The following AOAH variants were observed in gnomAD, a reference collection of about 807,000 sequenced individuals.
The protein encoded by AOAH is acyloxyacyl hydrolase (neutrophil).
A neutral mutation model predicts 92.2 loss-of-function variants in AOAH; 64 were observed. The ratio of observed to expected loss-of-function variants is 0.69; its 90% confidence interval spans 0.57 to 0.86. AOAH has a LOEUF of 0.86. Ranked by LOEUF, AOAH falls within the 40% of genes least tolerant of loss-of-function variation. The pLI is 0.00. For synonymous variants in AOAH, 263 were observed against 254.5 expected (o/e 1.03, Z -0.32); for missense variants, 656 against 694.6 (o/e 0.94, Z 0.62).
At chr7:36,670,804 G>T (rs925946544) in intron 3 of AOAH, among the ~76,000 whole-genome samples, 1 of 152,144 alleles carries the variant, frequency 6.6e-6, no homozygotes, top group African/African-American at 2.4e-5. Context: ...CCATACCTAT[G>T]CCCGCTTGTC....
At chr7:36,692,341 A>G (rs1347985505) in intron 1 of AOAH, among the ~76,000 whole-genome samples, 2 of 152,236 alleles carry the variant, frequency 1.3e-5, no homozygotes, top group Non-Finnish European at 2.9e-5. Context: ...TTGCATTATC[A>G]ACAACATTTT....
intron 15 of AOAH, among the ~76,000 whole-genome samples, chr7:36,543,005 C>T (rs1785519040): frequency 6.6e-6 from 1 of 151,378 alleles, no homozygotes; most frequent in Admixed American, 6.6e-5. Flanking sequence ...TGGGGGTAGC[C>T]AGTAGGGTGG....
chr7:36,515,393 C>A (rs1187471660), intron 20 of AOAH, among the ~76,000 whole-genome samples: 1 of 129,646 alleles, frequency 7.7e-6, no homozygotes, highest in African/African-American at 2.9e-5. Context: ...CCTCACAACC[C>A]CACACCACAC....
chr7:36,533,685 GT>G (rs1170944356), intron 16 of AOAH, among the ~76,000 whole-genome samples: 1 of 150,934 alleles, frequency 6.6e-6, no homozygotes, highest in Admixed American at 6.6e-5. Flanking sequence ...GTGCGTGTGT[GT>G]GTGTGTGTGT....
Position 36,614,032 on chromosome 7 carries a change from G to A in AOAH, c.846+2348C>T, listed in dbSNP as rs982661612. Reference sequence around the variant, plus strand: ...AATTTATTTAATCTAGGAAGAGGAGGTCAAGGAAAAAATGATAATTTCTGC... The same window carrying A: ...AATTTATTTAATCTAGGAAGAGGAGATCAAGGAAAAAATGATAATTTCTGC... On this transcript the variant is annotated intron_variant, in intron 11 of 20. Transcript: ENST00000617537. This position sits in a 1 kb window ranked among gnomAD's most constrained non-coding sequence, Gnocchi z 4.2. Among the ~76,000 whole-genome samples, 1 of 152,158 alleles carries A rather than the reference G, an allele frequency of 6.6e-6. No individual in the cohort carries two copies. The highest frequency in any genetic ancestry group is 2.4e-5 in the African/African-American group (1 of 41,434).
In AOAH at chr7:36,673,355, T is replaced by C. The variant is rs147911583; in HGVS notation, c.290+588A>G. Reference sequence around the variant, plus strand: ...GAGTTTGAGACTATCCTGGCCAACATGGTGAAACCCCATCTCTACTAAGAA... The same window carrying C: ...GAGTTTGAGACTATCCTGGCCAACACGGTGAAACCCCATCTCTACTAAGAA... On this transcript the variant is annotated intron_variant, in intron 3 of 20. Coordinates refer to ENST00000617537, the MANE Select transcript of AOAH (RefSeq NM_001637.4). Among the ~76,000 whole-genome samples the C allele has an allele frequency of 4.6e-4, 70 of 152,140 alleles. 1 individual carries two copies. In the East Asian group the frequency reaches 0.013, roughly 29 times the overall value.
chr7:36,601,471 G>A (rs1228340007), intron 11 of AOAH, among the ~76,000 whole-genome samples: 1 of 152,082 alleles, frequency 6.6e-6, no homozygotes, highest in East Asian at 1.9e-4. Flanking sequence ...CTTCTTCATG[G>A]GACTCACCGT....
intron 4 of AOAH, among the ~76,000 whole-genome samples, chr7:36,648,767 T>C (rs903477548): frequency 2.6e-5 from 4 of 152,202 alleles, no homozygotes; most frequent in African/African-American, 9.6e-5. Context: ...ATCCAGTGTT[T>C]TACCACTGAT....
At chr7:36,663,333 A>T (rs892277882) in intron 3 of AOAH, among the ~76,000 whole-genome samples, 1 of 152,208 alleles carries the variant, frequency 6.6e-6, no homozygotes, top group Admixed American at 6.5e-5. Flanking sequence ...CAAAGTGTTT[A>T]GTTCACCTTA....
At chr7:36,661,649 C>CCT (rs1367843600) in intron 3 of AOAH, among the ~76,000 whole-genome samples, 13 of 152,202 alleles carry the variant, frequency 8.5e-5, no homozygotes, top group African/African-American at 3.1e-4. Flanking sequence ...TCCTCCACCT[C>CCT]CTCCTCTTTC....
At chr7:36,664,495 C>A (rs1320608383) in intron 3 of AOAH, among the ~76,000 whole-genome samples, 1 of 152,130 alleles carries the variant, frequency 6.6e-6, no homozygotes, top group East Asian at 1.9e-4. Flanking sequence ...TTCACCAATA[C>A]CCTGCTGTCT....
intron 11 of AOAH, among the ~76,000 whole-genome samples, chr7:36,609,951 T>TG (rs1356514212): frequency 6.6e-6 from 1 of 151,994 alleles, no homozygotes; most frequent in Non-Finnish European, 1.5e-5. Flanking sequence ...TGTTTACACT[T>TG]GCCACAAGCA....
intron 12 of AOAH, among the ~76,000 whole-genome samples, chr7:36,579,769 C>T (rs1165022599): frequency 1.3e-5 from 2 of 152,104 alleles, no homozygotes; most frequent in African/African-American, 2.4e-5. Flanking sequence ...TAGATTGTGC[C>T]CACCCAGATT....
chr7:36,625,865 T>G (rs1418643903), intron 6 of AOAH, among the ~76,000 whole-genome samples: 2 of 152,232 alleles, frequency 1.3e-5, no homozygotes, highest in Non-Finnish European at 1.5e-5. Context: ...GGATCCTTCC[T>G]GCTCTGATGC....
chr7:36,517,931 CCACACACA>C, intron 20 of AOAH, among the ~76,000 whole-genome samples: 1 of 87,858 alleles, frequency 1.1e-5, no homozygotes, highest in African/African-American at 4.3e-5. Flanking sequence ...ACACACACAC[CCACACACA>C]CACACCCACA....
intron 4 of AOAH, among the ~76,000 whole-genome samples, chr7:36,639,865 G>T (rs189772118): frequency 6.6e-6 from 1 of 152,328 alleles, no homozygotes; most frequent in Admixed American, 6.5e-5. Flanking sequence ...AGCAAGTACA[G>T]TAAACAGAAA....
intron 2 of AOAH, among the ~76,000 whole-genome samples, chr7:36,679,735 G>A (rs2086048623): frequency 6.6e-6 from 1 of 152,008 alleles, no homozygotes; most frequent in South Asian, 2.1e-4. Flanking sequence ...TCAGCTCACT[G>A]CAACCTCCAC....
intron 3 of AOAH, among the ~76,000 whole-genome samples, chr7:36,662,353 C>A (rs1795266046): frequency 6.6e-6 from 1 of 152,310 alleles, no homozygotes; most frequent in East Asian, 1.9e-4. Context: ...ACCTGCTTAG[C>A]CCCAGGTCCC....
chr7:36,650,120 ACCACCGTCTTGGAAGCG>A (rs1195040886), intron 4 of AOAH, among the ~76,000 whole-genome samples: 141 of 6,278 alleles, frequency 0.022, no homozygotes, highest in African/African-American at 0.22. Flanking sequence ...GAAGCGGCCC[ACCACCGTCTTGGAAGCG>A]GCCCACCACC....
Sources: gnomAD v4.1 joint callset for allele counts (sites outside exome capture counted in the v4.1 genomes callset) on GRCh38, gnomAD v4.1.1 for gene constraint, Gnocchi (gnomAD v3.1) non-coding constraint, MANE v1.5 for transcripts, NCBI Gene and HGNC (gene_info 2026-07-23, HGNC 2026-07-21) for gene names.